The following ANXA4 variants were observed in gnomAD, a reference collection of about 807,000 sequenced individuals.
ANXA4 encodes the protein annexin A4, also known as 35-beta calcimedin.
ANXA4 carries 39 observed loss-of-function variants against 49.8 expected under a neutral mutation model. The ratio of observed to expected loss-of-function variants is 0.78; its 90% confidence interval spans 0.61 to 1.02. The LOEUF (loss-of-function observed/expected upper bound fraction) is 1.02, where lower values mean the gene tolerates loss of function less well. Among genes scored for constraint, ANXA4 ranks in the 50% least tolerant of loss-of-function variants. The pLI is 0.00. For synonymous variants in ANXA4, 134 were observed against 152.5 expected, an observed-to-expected ratio of 0.88 and a Z score of 0.89; for missense variants, 360 against 410.1, an observed-to-expected ratio of 0.88 and a Z score of 1.05.
At chr2:69,763,608 C>A (rs1338712979) in intron 1 of ANXA4, among the ~76,000 whole-genome samples, 1 of 151,238 alleles carries the variant, frequency 6.6e-6, no homozygotes, top group Non-Finnish European at 1.5e-5. Context: ...TTTTAAATGA[C>A]AAACTGATAT....
At chr2:69,805,358 C>T (rs1469164224) in intron 4 of ANXA4, among the ~76,000 whole-genome samples, 3 of 152,038 alleles carry the variant, frequency 2.0e-5, no homozygotes, top group Admixed American at 6.5e-5. Flanking sequence ...AATCCTAGCA[C>T]TTTGGGAGGC....
intron 2 of ANXA4, among the ~76,000 whole-genome samples, chr2:69,712,955 C>G (rs1239112186): frequency 2.6e-5 from 4 of 152,126 alleles, no homozygotes; most frequent in Non-Finnish European, 5.9e-5. Flanking sequence ...CAATGAAGAT[C>G]CCCAACAGAG....
rs759205867 is a variant in ANXA4, at chr2:69,808,001, G to A, written c.397+5G>A. ...TAAGCCAAACCTACCAGCAGCGTAC[G>A]TGACATCCGCAGTGGCCCTGGCTGA... On this transcript the variant is annotated splice_donor_5th_base_variant and intron_variant, in intron 6 of 12. Coordinates refer to ENST00000394295, the MANE Select transcript of ANXA4 (RefSeq NM_001153.5). The A allele has an allele frequency of 6.2e-6, 10 of 1,613,794 alleles. No homozygotes were observed. The highest frequency in any genetic ancestry group is 3.3e-5 in the South Asian group (3 of 91,084).
At chr2:69,661,526 T>C (rs761194492) in intron 2 of ANXA4, among the ~76,000 whole-genome samples, 2 of 151,950 alleles carry the variant, frequency 1.3e-5, no homozygotes, top group Non-Finnish European at 2.9e-5. Flanking sequence ...AGCTATGATC[T>C]TGTCACTGCA....
At chr2:69,653,703 C>T (rs1016424829) in intron 2 of ANXA4, among the ~76,000 whole-genome samples, 3 of 152,178 alleles carry the variant, frequency 2.0e-5, no homozygotes, top group Admixed American at 6.5e-5. Flanking sequence ...TGTCTTTCCC[C>T]TAGAGGGTAT....
In ANXA4 at chr2:69,807,982, A is replaced by T; in HGVS notation, c.383A>T (p.Gln128Leu). ...CCTGAGGAGATCCGGCGCATAAGCC[A>T]AACCTACCAGCAGCGTACGTGACAT... is the stretch of plus-strand genomic sequence containing the variant. Reference protein sequence around the residue: ...RTPEEIRRISQTYQQQYGRSL... With the variant: ...RTPEEIRRISLTYQQQYGRSL... Residue 128 changes from glutamine (Q) to leucine (L), a missense_variant, in exon 6 of 13, where the codon CAA becomes CTA. By Grantham distance (113) the Gln-to-Leu change is moderately radical (BLOSUM62 -2). Coordinates refer to ENST00000394295, the MANE Select transcript of ANXA4 (RefSeq NM_001153.5). The T allele has an allele frequency of 6.2e-7, 1 of 1,614,118 alleles. No homozygotes were observed. Among genetic ancestry groups the T allele is most frequent in the Non-Finnish European group, 8.5e-7 (1 of 1,179,988 alleles).
At chr2:69,806,892 A>C (rs556538897) in intron 5 of ANXA4, among the ~76,000 whole-genome samples, 11 of 152,284 alleles carry the variant, frequency 7.2e-5, no homozygotes, top group African/African-American at 2.4e-4. Flanking sequence ...ACTAATGGGT[A>C]CTAGGCTTAA....
intron 2 of ANXA4, among the ~76,000 whole-genome samples, chr2:69,696,372 C>A (rs1438965759): frequency 1.3e-5 from 2 of 152,190 alleles, no homozygotes; most frequent in Non-Finnish European, 2.9e-5. Flanking sequence ...AATTCAGTCA[C>A]ATCTCCAGGT....
intron 2 of ANXA4, among the ~76,000 whole-genome samples, chr2:69,696,798 G>C (rs1406304684): frequency 6.6e-6 from 1 of 152,184 alleles, no homozygotes; most frequent in East Asian, 1.9e-4. Context: ...GCATTGTCAA[G>C]AAGCAGTAAT....
intron 8 of ANXA4, among the ~76,000 whole-genome samples, chr2:69,814,048 G>GTA (rs1673837546): frequency 6.6e-6 from 1 of 152,018 alleles, no homozygotes; most frequent in Non-Finnish European, 1.5e-5. Context: ...ATGAGCCACC[G>GTA]CGCCTGACCA....
At chr2:69,725,317 T>A (rs144805368) in intron 3 of ANXA4, among the ~76,000 whole-genome samples, 1 of 150,428 alleles carries the variant, frequency 6.6e-6, no homozygotes, top group African/African-American at 2.4e-5. Context: ...TTTAAATGTA[T>A]ATAAATGATG....
At chr2:69,808,108 G>C in intron 6 of ANXA4, 112 bp downstream of exon 6, 2 of 991,736 alleles carry the variant, frequency 2.0e-6, no homozygotes, top group Non-Finnish European at 3.1e-6. Context: ...TGAGCATGAG[G>C]GATCCTCGGT....
intron 10 of ANXA4, 74 bp downstream of exon 10, chr2:69,818,768 A>T: frequency 1.1e-6 from 1 of 901,182 alleles, no homozygotes; most frequent in East Asian, 2.5e-5. Context: ...CAATATGGGG[A>T]TATAGAATTA....
intron 2 of ANXA4, among the ~76,000 whole-genome samples, chr2:69,692,106 A>C (rs1336017793): frequency 6.6e-6 from 1 of 152,114 alleles, no homozygotes; most frequent in Non-Finnish European, 1.5e-5. Flanking sequence ...GCTGGTCTTG[A>C]ACTCCTGACC....
upstream of ANXA4, among the ~76,000 whole-genome samples, chr2:69,739,321 C>T (rs1323685673): frequency 6.6e-6 from 1 of 152,028 alleles, no homozygotes; most frequent in Non-Finnish European, 1.5e-5. Flanking sequence ...TGTCCACGTG[C>T]TTTCCAGGTT....
At chr2:69,762,389 GA>G (rs557937181) in intron 1 of ANXA4, among the ~76,000 whole-genome samples, 12,104 of 133,214 alleles carry the variant, frequency 0.091, 1,511 homozygotes, top group African/African-American at 0.29. Flanking sequence ...CCGTCTAGGG[GA>G]AAAAAAAAAA....
intron 3 of ANXA4, among the ~76,000 whole-genome samples, chr2:69,732,220 G>A (rs1181888145): frequency 6.6e-5 from 10 of 151,068 alleles, no homozygotes; most frequent in African/African-American, 1.7e-4. Flanking sequence ...CTCGTGATCC[G>A]GCCGCCTCGG....
rs181919395 is a variant in ANXA4 at position 69,699,489 on chromosome 2, A to G, written n.767-21285A>G. On this transcript the variant is annotated intron_variant and non_coding_transcript_variant, in intron 2 of 3. Transcript: ENST00000418066. ...ACCTCATTCTATGAGAAAATGAGAAATAAATAAGCCAGGCGTGGTGGTGTG... is the reference window on the plus strand; with the variant it reads ...ACCTCATTCTATGAGAAAATGAGAAGTAAATAAGCCAGGCGTGGTGGTGTG... Among the ~76,000 whole-genome samples, 10 of 152,212 alleles carry G rather than the reference A, an allele frequency of 6.6e-5. No homozygotes were observed. In the South Asian group the frequency reaches 1.0e-3, roughly 16 times the overall value.
intron 10 of ANXA4, 39 bp downstream of exon 10, chr2:69,818,733 G>C: frequency 7.3e-7 from 1 of 1,376,980 alleles, no homozygotes. Flanking sequence ...AATGTTTATA[G>C]ATTTTCCTTC....
Sources: gnomAD v4.1 joint callset for allele counts (sites outside exome capture counted in the v4.1 genomes callset) on GRCh38, gnomAD v4.1.1 for gene constraint, MANE v1.5 for transcripts, NCBI Gene and HGNC (gene_info 2026-07-23, HGNC 2026-07-21) for gene names.